The following FGF14 variants were observed in gnomAD, a reference collection of about 807,000 sequenced individuals.
FGF14 encodes the protein fibroblast growth factor homologous factor 4.
A neutral mutation model predicts 25.5 loss-of-function variants in FGF14; 5 were observed. The ratio of observed to expected loss-of-function variants is 0.20; its 90% CI spans 0.10 to 0.41. The LOEUF is 0.41. FGF14 is among the 10% of genes least tolerant of loss of function. The pLI is 1.00. For synonymous variants in FGF14, 138 were observed against 118.3 expected (o/e 1.17, Z -1.08); for missense variants, 222 against 320.1 (o/e 0.69, Z 2.34).
At chr13:102,333,827 C>T (rs908384672) in intron 1 of FGF14, among the ~76,000 whole-genome samples, 1 of 152,086 alleles carries the variant, frequency 6.6e-6, no homozygotes, top group Non-Finnish European at 1.5e-5. Context: ...AAGGGCTCTT[C>T]CCATCAGAGA....
At chr13:102,043,163 G>T (rs545635971) in intron 1 of FGF14, among the ~76,000 whole-genome samples, 1 of 152,050 alleles carries the variant, frequency 6.6e-6, no homozygotes, top group Non-Finnish European at 1.5e-5. Context: ...CCATTCATAC[G>T]CATATAATCC....
intron 3 of FGF14, among the ~76,000 whole-genome samples, chr13:101,763,804 G>C (rs2038207004): frequency 6.6e-6 from 1 of 152,156 alleles, no homozygotes; most frequent in Non-Finnish European, 1.5e-5. Flanking sequence ...AGGTTGCAGT[G>C]AGCCGAGATT....
At chr13:101,776,562 G>A (rs931069439) in intron 3 of FGF14, among the ~76,000 whole-genome samples, 20 of 152,136 alleles carry the variant, frequency 1.3e-4, no homozygotes, top group Non-Finnish European at 2.8e-4. Context: ...CTTCAAAATG[G>A]AGAAGACCAC....
chr13:102,062,310 A>G (rs906399835), intron 1 of FGF14, among the ~76,000 whole-genome samples: 5 of 152,134 alleles, frequency 3.3e-5, no homozygotes, highest in Non-Finnish European at 7.4e-5. Context: ...AAATTCCAAA[A>G]AGGCCAAAAA....
At chr13:102,034,183 C>A (rs2041355755) in intron 1 of FGF14, among the ~76,000 whole-genome samples, 1 of 152,064 alleles carries the variant, frequency 6.6e-6, no homozygotes. Flanking sequence ...AGAGACTGTA[C>A]CCTCCAGAAG....
intron 1 of FGF14, among the ~76,000 whole-genome samples, chr13:102,278,855 A>C (rs1325463248): frequency 6.6e-6 from 1 of 152,146 alleles, no homozygotes; most frequent in Admixed American, 6.5e-5. Flanking sequence ...GATGAAGTAT[A>C]AACACAGAGC....
intron 1 of FGF14, among the ~76,000 whole-genome samples, chr13:101,877,307 T>C (rs1442500416): frequency 6.6e-6 from 1 of 152,224 alleles, no homozygotes. Flanking sequence ...TACATATTGT[T>C]TGACGTTTTT....
chr13:102,294,257 T>C (rs1032948130), intron 1 of FGF14, among the ~76,000 whole-genome samples: 2 of 152,210 alleles, frequency 1.3e-5, no homozygotes, highest in African/African-American at 4.8e-5. Flanking sequence ...TATGACTTTT[T>C]AACAACTAAT....
rs192121838 is a variant in FGF14 at position 101,971,990 on chromosome 13, A to C, written c.209-96694T>G. Among the ~76,000 whole-genome samples the C allele has an allele frequency of 3.0e-3, 452 of 152,330 alleles. 7 individuals are homozygous for C. Among genetic ancestry groups the C allele is most frequent in the African/African-American group, 0.01 (429 of 41,584 alleles). On this transcript the variant is annotated intron_variant, in intron 1 of 4. Coordinates refer to the FGF14 transcript ENST00000376131. ...ATGGGAGCTCAATGCTCAGGAACAC[A>C]AGTGGGCGGAGACAGGAGCACTGGG...
At chr13:101,751,868 TA>T (rs998673255) in intron 3 of FGF14, among the ~76,000 whole-genome samples, 1 of 150,030 alleles carries the variant, frequency 6.7e-6, no homozygotes, top group Admixed American at 6.6e-5. Flanking sequence ...ATGTTATATA[TA>T]AAAAAAATAA....
At chr13:102,244,318 A>G (rs1460316234) in intron 1 of FGF14, among the ~76,000 whole-genome samples, 1 of 151,942 alleles carries the variant, frequency 6.6e-6, no homozygotes, top group Non-Finnish European at 1.5e-5. Flanking sequence ...TAGAAATCTC[A>G]TCCCTGATAC....
chr13:101,804,735 T>A (rs113908090), intron 3 of FGF14, among the ~76,000 whole-genome samples: 2,775 of 152,234 alleles, frequency 0.018, 83 homozygotes, highest in African/African-American at 0.064. Context: ...TTCCATATAC[T>A]AGCTCTTACA....
Position 101,876,638 on chromosome 13 carries a change from CACA to C in FGF14, c.194-1345_194-1343del, listed in dbSNP as rs1179512189. On this transcript the variant is annotated intron_variant, in intron 1 of 4. Coordinates refer to ENST00000376143, the MANE Select transcript of FGF14 (RefSeq NM_004115.4). ...AAATAATGCACGAACAGCAGATCAT[CACA>C]ACATCAGTGTGACTAGCTGTATTAG... Among the ~76,000 whole-genome samples the C allele has an allele frequency of 2.0e-5, 3 of 152,116 alleles. No homozygotes were observed. The East Asian group carries it at 5.8e-4, about 29-fold the overall frequency.
intron 3 of FGF14, among the ~76,000 whole-genome samples, chr13:101,740,748 G>A (rs565116226): frequency 6.6e-6 from 1 of 152,058 alleles, no homozygotes; most frequent in Non-Finnish European, 1.5e-5. Context: ...TATCTATAGG[G>A]TAATTTTCCA....
chr13:102,223,212 A>G (rs980944989), intron 1 of FGF14, among the ~76,000 whole-genome samples: 1 of 152,202 alleles, frequency 6.6e-6, no homozygotes, highest in African/African-American at 2.4e-5. Flanking sequence ...AGACCACTTT[A>G]CTAAAAAATA....
rs570026026 is a variant in FGF14 at position 102,063,663 on chromosome 13, A to T, written c.209-188367T>A. On this transcript the variant is annotated intron_variant, in intron 1 of 4. Coordinates refer to the FGF14 transcript ENST00000376131. The stretch of plus-strand genomic sequence containing the variant: ...CTAAAACATTAACCCAATAACATTA[A>T]AATCATGAAAAAAAGAATGTCTTTT... Among the ~76,000 whole-genome samples the T allele has an allele frequency of 2.6e-5, 4 of 152,248 alleles. No homozygotes were observed. The South Asian group carries it at 6.2e-4, about 24-fold the overall frequency.
chr13:101,841,535 T>C (rs1439644458), intron 3 of FGF14, among the ~76,000 whole-genome samples: 1 of 152,000 alleles, frequency 6.6e-6, no homozygotes, highest in Non-Finnish European at 1.5e-5. Flanking sequence ...CAAAATCCCA[T>C]TATAGTAAAC....
In FGF14 at chr13:102,071,063, T is replaced by G. The variant is rs148043147; in HGVS notation, c.209-195767A>C. On this transcript the variant is annotated intron_variant, in intron 1 of 4. Coordinates refer to the FGF14 transcript ENST00000376131. ...ATAACTTTAGCAGTGAAATAAGTCA[T>G]AGTTTACACCAGCAACAAAATCAGC... Among the ~76,000 whole-genome samples, 346 of 152,300 alleles carry G rather than the reference T, an allele frequency of 2.3e-3. 1 individual carries two copies. The highest frequency in any genetic ancestry group is 8.1e-3 in the African/African-American group (335 of 41,572).
At chr13:102,217,993 A>C (rs909435362) in intron 1 of FGF14, among the ~76,000 whole-genome samples, 4 of 152,194 alleles carry the variant, frequency 2.6e-5, no homozygotes, top group African/African-American at 9.6e-5. Context: ...AGTATTTTAA[A>C]TTGTTTAGAA....
Sources: gnomAD v4.1 joint callset for allele counts (sites outside exome capture counted in the v4.1 genomes callset) on GRCh38, gnomAD v4.1.1 for gene constraint, MANE v1.5 for transcripts, NCBI Gene and HGNC (gene_info 2026-07-23, HGNC 2026-07-21) for gene names.